ELOVL5: variants seen among roughly 807,000 people sequenced by gnomAD.
ELOVL5 encodes the protein very long chain fatty acid elongase 5.
ELOVL5 carries 8 observed loss-of-function variants against 38.6 expected under a neutral mutation model. The observed-to-expected ratio is 0.21, with a 90% CI of 0.12 to 0.37. The LOEUF is 0.37. ELOVL5 is among the 10% of genes least tolerant of loss of function. The pLI is 1.00. For missense variants in ELOVL5, 280 were observed against 367.8 expected, an observed-to-expected ratio of 0.76 and a Z score of 1.95; for synonymous variants, 127 against 133.7, an observed-to-expected ratio of 0.95 and a Z score of 0.34.
At chr6:53,348,755 C>T (rs1171320336) in intron 1 of ELOVL5, 62 bp downstream of exon 1, 1 of 449,930 alleles carries the variant, frequency 2.2e-6, no homozygotes, top group Non-Finnish European at 4.4e-6. Flanking sequence ...GCCGCGCGCT[C>T]GCGCGGGTGT....
intron 1 of ELOVL5, among the ~76,000 whole-genome samples, chr6:53,344,258 A>G (rs966423233): frequency 2.0e-5 from 3 of 152,166 alleles, no homozygotes; most frequent in Non-Finnish European, 2.9e-5. Flanking sequence ...TCTTTGGAAG[A>G]GTATCCCTCC....
chr6:53,297,916 G>A lies in ELOVL5; in HGVS notation c.-8-2209C>T, dbSNP rs564714039. On this transcript the variant is annotated intron_variant, in intron 1 of 7. Transcript: ENST00000304434. ...CCTGGTGCTGAAGAGAATAGGTTTA[G>A]CCTTATGTTTCGTAAAGAGAATTCC... is the stretch of plus-strand genomic sequence containing the variant. 3.9e-5 allele frequency among the ~76,000 whole-genome samples: 6 copies of A among 152,270 alleles called. No homozygotes were observed. In the South Asian group the frequency reaches 1.2e-3, roughly 32 times the overall value.
chr6:53,271,076 T>G (rs1765901165), intron 6 of ELOVL5, among the ~76,000 whole-genome samples: 1 of 152,248 alleles, frequency 6.6e-6, no homozygotes, highest in Non-Finnish European at 1.5e-5. Context: ...CTGCAGGATG[T>G]GCCACCTGGC....
At chr6:53,281,154 G>C (rs1766336857) in intron 3 of ELOVL5, among the ~76,000 whole-genome samples, 1 of 152,128 alleles carries the variant, frequency 6.6e-6, no homozygotes, top group Admixed American at 6.5e-5. Context: ...AAAGAAGACT[G>C]GCTGCTTCTG....
chr6:53,297,692 GA>G (rs536745106), intron 1 of ELOVL5, among the ~76,000 whole-genome samples: 38 of 151,610 alleles, frequency 2.5e-4, no homozygotes, highest in African/African-American at 8.7e-4. Context: ...GTATGCATAG[GA>G]AAAAAAACCA....
intron 1 of ELOVL5, among the ~76,000 whole-genome samples, chr6:53,332,245 C>G (rs1362672530): frequency 1.3e-5 from 2 of 152,142 alleles, no homozygotes; most frequent in African/African-American, 4.8e-5. Flanking sequence ...ACTAACTCGT[C>G]AAGTTACATT....
At chr6:53,281,176 TTGA>T (rs1335564180) in intron 3 of ELOVL5, among the ~76,000 whole-genome samples, 2 of 152,162 alleles carry the variant, frequency 1.3e-5, no homozygotes, top group African/African-American at 4.8e-5. Context: ...TGATAAGAGC[TTGA>T]TGAAGCTGCA....
chr6:53,303,911 C>T (rs1561876474), intron 1 of ELOVL5, among the ~76,000 whole-genome samples: 1 of 152,304 alleles, frequency 6.6e-6, no homozygotes, highest in East Asian at 1.9e-4. Flanking sequence ...GTCCTCTTGC[C>T]TTCATTTCCA....
intron 1 of ELOVL5, among the ~76,000 whole-genome samples, chr6:53,320,485 A>ACC (rs1211829305): frequency 6.6e-6 from 1 of 151,770 alleles, no homozygotes. Context: ...ACAAGCACCC[A>ACC]CCACCGCGCC....
At chr6:53,321,222 T>G (rs527361115) in intron 1 of ELOVL5, among the ~76,000 whole-genome samples, 31 of 152,282 alleles carry the variant, frequency 2.0e-4, no homozygotes, top group African/African-American at 5.3e-4. Flanking sequence ...GCAGAGACAT[T>G]TCCAAATAAC....
At chr6:53,294,457 T>C in intron 2 of ELOVL5, 4 of 1,550,578 alleles carry the variant, frequency 2.6e-6, no homozygotes, top group Non-Finnish European at 2.6e-6. Flanking sequence ...CTGTGTGAAG[T>C]GGGGGACCCA....
At chr6:53,335,501 C>G (rs2397142) in intron 1 of ELOVL5, among the ~76,000 whole-genome samples, 55,232 of 152,008 alleles carry the variant, frequency 0.36, 11,148 homozygotes, top group African/African-American at 0.55. Flanking sequence ...ATCCCCTCCC[C>G]CACCCCACCA....
At position 53,331,380 on chromosome 6, in the gene ELOVL5, A is replaced by C. The variant is rs190669974; in HGVS notation, c.-9+17437T>G. Reference sequence around the variant, plus strand: ...GATAAAAAGTACAGTAAATACAAAAACCAGTAACATAGTTGTTTATTATCC... The same window carrying C: ...GATAAAAAGTACAGTAAATACAAAACCCAGTAACATAGTTGTTTATTATCC... On this transcript the variant is annotated intron_variant, in intron 1 of 7. Coordinates refer to ENST00000304434, the MANE Select transcript of ELOVL5 (RefSeq NM_021814.5). Among the ~76,000 whole-genome samples the C allele has an allele frequency of 3.3e-5, 5 of 152,286 alleles. No individual in the cohort carries two copies. The East Asian group carries it at 9.6e-4, about 29-fold the overall frequency.
At chr6:53,270,232 C>G (rs1765871201) in intron 7 of ELOVL5, among the ~76,000 whole-genome samples, 1 of 152,206 alleles carries the variant, frequency 6.6e-6, no homozygotes, top group South Asian at 2.1e-4. Flanking sequence ...TGATAAAAAT[C>G]TCTTCTGAAA....
chr6:53,298,485 T>TC (rs1309778918), intron 1 of ELOVL5, among the ~76,000 whole-genome samples: 1 of 152,224 alleles, frequency 6.6e-6, no homozygotes, highest in Non-Finnish European at 1.5e-5. Flanking sequence ...CCATTTTTTT[T>TC]CACTTATTAG....
intron 1 of ELOVL5, among the ~76,000 whole-genome samples, chr6:53,309,272 G>A (rs569748488): frequency 1.3e-5 from 2 of 152,266 alleles, no homozygotes; most frequent in South Asian, 4.2e-4. Flanking sequence ...ATATTGAACT[G>A]GGGCAGTATG....
chr6:53,348,650 A>G (rs1222832742), intron 1 of ELOVL5, among the ~76,000 whole-genome samples, 167 bp downstream of exon 1: 2 of 152,156 alleles, frequency 1.3e-5, no homozygotes, highest in Non-Finnish European at 2.9e-5. Flanking sequence ...GAGCCGGCGG[A>G]GCTGGAGGCC....
chr6:53,338,020 G>C (rs1264193780), intron 1 of ELOVL5, among the ~76,000 whole-genome samples: 1 of 152,128 alleles, frequency 6.6e-6, no homozygotes, highest in African/African-American at 2.4e-5. Context: ...GAGGTATGTG[G>C]GGCACCCAAC....
At chr6:53,298,636 T>A (rs1016622862) in intron 1 of ELOVL5, among the ~76,000 whole-genome samples, 1 of 152,122 alleles carries the variant, frequency 6.6e-6, no homozygotes, top group African/African-American at 2.4e-5. Flanking sequence ...CCCCAATAGA[T>A]GTTTCTGAAT....
Sources: gnomAD v4.1 joint callset for allele counts (sites outside exome capture counted in the v4.1 genomes callset) on GRCh38, gnomAD v4.1.1 for gene constraint, MANE v1.5 for transcripts, NCBI Gene and HGNC (gene_info 2026-07-23, HGNC 2026-07-21) for gene names.